Variants in DKK2 observed in about 807,000 individuals in gnomAD.
DKK2 encodes dickkopf Wnt signaling pathway inhibitor 2.
Under a neutral mutation model 28.1 loss-of-function variants are expected in DKK2, and 11 were observed. The observed-to-expected ratio is 0.39, with a 90% confidence interval of 0.25 to 0.65. The LOEUF (loss-of-function observed/expected upper bound fraction) is 0.65, where lower values mean the gene tolerates loss of function less well. Ranked by LOEUF, DKK2 falls within the 30% of genes least tolerant of loss-of-function variation. DKK2 has a pLI of 0.47. For missense variants in DKK2, 326 were observed against 335.5 expected, an observed-to-expected ratio of 0.97 and a Z score of 0.22; for synonymous variants, 135 against 126.5, an observed-to-expected ratio of 1.07 and a Z score of -0.45.
intron 1 of DKK2, among the ~76,000 whole-genome samples, chr4:106,928,877 T>G (rs770768533): frequency 2.0e-5 from 3 of 152,148 alleles, no homozygotes; most frequent in Admixed American, 6.6e-5. Context: ...TTTCCTACAT[T>G]AGCCCCTCTA....
chr4:107,027,656 A>G (rs1032770152), intron 1 of DKK2, among the ~76,000 whole-genome samples: 13 of 152,104 alleles, frequency 8.5e-5, no homozygotes, highest in Non-Finnish European at 1.8e-4. Flanking sequence ...GAAAATATCA[A>G]ATTAATACTT....
At chr4:106,936,110 G>C (rs1280612510) in intron 1 of DKK2, among the ~76,000 whole-genome samples, 1 of 152,176 alleles carries the variant, frequency 6.6e-6, no homozygotes, top group African/African-American at 2.4e-5. Flanking sequence ...AACAAAGCTG[G>C]ATGGAGAATG....
intron 1 of DKK2, among the ~76,000 whole-genome samples, chr4:106,990,546 A>C (rs1560587348): frequency 6.6e-6 from 1 of 152,212 alleles, no homozygotes; most frequent in Non-Finnish European, 1.5e-5. Flanking sequence ...TTGACTTATC[A>C]AAAATGAAAA....
At chr4:107,026,921 A>T (rs1489405854) in intron 1 of DKK2, among the ~76,000 whole-genome samples, 1 of 152,212 alleles carries the variant, frequency 6.6e-6, no homozygotes, top group Non-Finnish European at 1.5e-5. Context: ...TACTGTCACT[A>T]AAGAAGAGAA....
At position 107,035,834 on chromosome 4, in the gene DKK2, G is replaced by A; in HGVS notation, c.-243C>T. On this transcript the variant is annotated 5_prime_UTR_variant, in exon 1 of 4. Coordinates refer to ENST00000285311, the MANE Select transcript of DKK2 (RefSeq NM_014421.3). ...CAGGACAGGAAGTTCTGCAATAACT[G>A]GAAGCAATCAAATGCGAGGCGCTTT... The A allele has an allele frequency of 1.8e-6, 1 of 560,564 alleles. No individual in the cohort carries two copies. The highest frequency in any genetic ancestry group is 2.2e-5 in the South Asian group (1 of 45,446). 34.7% of individuals were successfully genotyped at this position (560,564 alleles called of 1,614,324 possible). A position where few individuals can be genotyped will look rare whatever the true frequency, so the allele number is the denominator to read the frequency against.
At chr4:106,994,820 G>A (rs1385518606) in intron 1 of DKK2, among the ~76,000 whole-genome samples, 3 of 152,194 alleles carry the variant, frequency 2.0e-5, no homozygotes, top group Non-Finnish European at 4.4e-5. Flanking sequence ...CTCAGCACCT[G>A]ACACTGGAGG....
chr4:106,938,339 A>C (rs1724633602), intron 1 of DKK2, among the ~76,000 whole-genome samples: 1 of 152,156 alleles, frequency 6.6e-6, no homozygotes, highest in Admixed American at 6.5e-5. Context: ...TACTACAAAC[A>C]CCTCTGCGCA....
rs1724797514 is a variant in DKK2 at position 106,947,649 on chromosome 4, TG to T, written c.223-21701del. 2.6e-5 allele frequency among the ~76,000 whole-genome samples: 4 copies of T among 152,090 alleles called. No homozygotes were observed. The South Asian group carries it at 8.3e-4, about 32-fold the overall frequency. ...TGAGTTGGGTAGGCTTTAAAAAAAT[TG>T]ATTAATTATCTTTTTTCTTTCTTTC... On this transcript the variant is annotated intron_variant, in intron 1 of 3. Coordinates refer to ENST00000285311, the MANE Select transcript of DKK2 (RefSeq NM_014421.3).
At chr4:106,979,473 G>A (rs1259423439) in intron 1 of DKK2, among the ~76,000 whole-genome samples, 1 of 149,122 alleles carries the variant, frequency 6.7e-6, no homozygotes, top group Admixed American at 6.7e-5. Context: ...TACAGGAAGA[G>A]TGTAGGAAGC....
chr4:106,951,052 C>T (rs2110346787), intron 1 of DKK2, among the ~76,000 whole-genome samples: 1 of 151,880 alleles, frequency 6.6e-6, no homozygotes, highest in South Asian at 2.1e-4. Flanking sequence ...CATGTTGTTG[C>T]CTGTAAATAT....
intron 1 of DKK2, among the ~76,000 whole-genome samples, chr4:107,017,826 G>T (rs1431283336): frequency 6.6e-6 from 1 of 151,758 alleles, no homozygotes; most frequent in Non-Finnish European, 1.5e-5. Flanking sequence ...TTATACATTT[G>T]CCAGTTTTTC....
At chr4:106,961,538 T>C (rs1271359657) in intron 1 of DKK2, among the ~76,000 whole-genome samples, 2 of 148,208 alleles carry the variant, frequency 1.3e-5, no homozygotes. Flanking sequence ...CATTTCAAAC[T>C]CTTAAATTTG....
intron 1 of DKK2, among the ~76,000 whole-genome samples, chr4:107,029,600 A>G (rs1372142729): frequency 6.6e-6 from 1 of 152,144 alleles, no homozygotes; most frequent in Non-Finnish European, 1.5e-5. Context: ...ATACCTGAAG[A>G]TCGCTCACTT....
intron 1 of DKK2, among the ~76,000 whole-genome samples, chr4:106,928,861 G>A (rs1447769814): frequency 2.0e-5 from 3 of 152,086 alleles, no homozygotes; most frequent in Non-Finnish European, 4.4e-5. Context: ...AGTTGCCATT[G>A]GCTTTTTTCC....
chr4:106,944,107 G>C (rs914216282), intron 1 of DKK2, among the ~76,000 whole-genome samples: 4 of 152,040 alleles, frequency 2.6e-5, no homozygotes, highest in Non-Finnish European at 5.9e-5. Flanking sequence ...TCTTGGGGGT[G>C]CATAGACTTC....
At chr4:106,950,987 G>A (rs914398677) in intron 1 of DKK2, among the ~76,000 whole-genome samples, 23 of 151,600 alleles carry the variant, frequency 1.5e-4, no homozygotes, top group African/African-American at 4.8e-4. Flanking sequence ...TAGTTGGGTT[G>A]TTTTGAAATG....
chr4:107,023,842 C>T (rs912766673), intron 1 of DKK2, among the ~76,000 whole-genome samples: 7 of 152,046 alleles, frequency 4.6e-5, no homozygotes, highest in Admixed American at 3.3e-4. Flanking sequence ...AAGAATCACA[C>T]TAGTTCTCTG....
chr4:106,927,701 C>T (rs1724443467), intron 1 of DKK2, among the ~76,000 whole-genome samples: 1 of 151,700 alleles, frequency 6.6e-6, no homozygotes, highest in Admixed American at 6.6e-5. Context: ...TCCCTTCCCG[C>T]CTTACCACAC....
chr4:106,950,473 T>C (rs1724842750), intron 1 of DKK2, among the ~76,000 whole-genome samples: 1 of 152,068 alleles, frequency 6.6e-6, no homozygotes, highest in African/African-American at 2.4e-5. Context: ...AAAGGAAATC[T>C]CATCATGTCA....
Sources: gnomAD v4.1 joint callset for allele counts (sites outside exome capture counted in the v4.1 genomes callset) on GRCh38, gnomAD v4.1.1 for gene constraint, MANE v1.5 for transcripts, NCBI Gene and HGNC (gene_info 2026-07-23, HGNC 2026-07-21) for gene names.